The following SPIDR variants were observed in gnomAD, a reference collection of about 807,000 sequenced individuals.
SPIDR encodes the protein scaffold protein involved in DNA repair.
In SPIDR, 93 loss-of-function variants were observed where a neutral mutation model predicts 104.6. The ratio of observed to expected loss-of-function variants is 0.89; its 90% CI spans 0.75 to 1.06. SPIDR has a LOEUF of 1.06. SPIDR is among the 50% of genes least tolerant of loss of function. The pLI is 0.00. For missense variants in SPIDR, 1,154 were observed against 1,111.2 expected (o/e 1.04, Z -0.55); for synonymous variants, 431 against 416.9 (o/e 1.03, Z -0.41).
chr8:47,516,068 C>T (rs990539509), intron 8 of SPIDR, among the ~76,000 whole-genome samples: 2 of 152,228 alleles, frequency 1.3e-5, no homozygotes, highest in Admixed American at 6.5e-5. Flanking sequence ...CTCGGCCTCC[C>T]GAAGTGCTGG....
chr8:47,500,862 G>A lies in SPIDR; in HGVS notation c.1097+60320G>A, dbSNP rs1488852183. On this transcript the variant is annotated intron_variant, in intron 8 of 19. Transcript: ENST00000297423. ...ATCCAGTTTCAGCTTTCTACATATG[G>A]CTAGCCAGTTTTCCCAGCACCATTT... 2.6e-5 allele frequency among the ~76,000 whole-genome samples: 4 copies of A among 152,120 alleles called. No individual in the cohort carries two copies. The South Asian group carries it at 6.2e-4, about 24-fold the overall frequency.
chr8:47,598,838 G>C (rs1175569613), intron 9 of SPIDR, 108 bp from the exon 10 acceptor site: 2 of 1,392,632 alleles, frequency 1.4e-6, no homozygotes, highest in African/African-American at 2.8e-5. Context: ...AGATCCATTG[G>C]GTGGCTGCTT....
intron 5 of SPIDR, among the ~76,000 whole-genome samples, chr8:47,372,373 T>C (rs1253838948): frequency 6.6e-6 from 1 of 152,116 alleles, no homozygotes; most frequent in Non-Finnish European, 1.5e-5. Context: ...TCCTTAAGAA[T>C]TTTAACTTTG....
intron 5 of SPIDR, among the ~76,000 whole-genome samples, chr8:47,308,503 A>G (rs2043519823): frequency 6.6e-6 from 1 of 151,844 alleles, no homozygotes; most frequent in South Asian, 2.1e-4. Context: ...TTTCTCCAGG[A>G]ATGTGCAGGA....
intron 5 of SPIDR, among the ~76,000 whole-genome samples, chr8:47,344,099 C>T (rs1189963375): frequency 3.3e-5 from 5 of 151,574 alleles, no homozygotes; most frequent in Admixed American, 1.3e-4. Flanking sequence ...GGTATTTCTC[C>T]GAATGCTATC....
chr8:47,313,801 T>C (rs1163964954), intron 5 of SPIDR, among the ~76,000 whole-genome samples: 1 of 152,114 alleles, frequency 6.6e-6, no homozygotes, highest in East Asian at 1.9e-4. Context: ...TGACTTCTTA[T>C]CAGAAATAAT....
Position 47,673,900 on chromosome 8 carries a change from C to G in SPIDR, c.1644C>G (p.Ser548Arg). ...GACAGTTGGAAGGGAAGTCTTGCAGCCTGGTGGGAATGAAGGTTCTACAGA... is the reference window on the plus strand; with the variant it reads ...GACAGTTGGAAGGGAAGTCTTGCAGGCTGGTGGGAATGAAGGTTCTACAGA... ...KARQLEGKSCSLVGMKVLQKV... is the reference protein window; with the variant it reads ...KARQLEGKSCRLVGMKVLQKV... The change falls in exon 11 of 20, where the codon AGC becomes AGG. Residue 548 changes from serine (S) to arginine (R), a missense_variant. Physicochemically the swap from Ser to Arg is moderately radical, Grantham distance 110. Transcript: ENST00000297423. The G allele has an allele frequency of 6.2e-7, 1 of 1,614,080 alleles. No individual in the cohort carries two copies. The highest frequency in any genetic ancestry group is 8.5e-7 in the Non-Finnish European group (1 of 1,180,002).
intron 10 of SPIDR, among the ~76,000 whole-genome samples, chr8:47,662,659 G>A (rs1229680275): frequency 6.6e-6 from 1 of 152,116 alleles, no homozygotes; most frequent in Non-Finnish European, 1.5e-5. Context: ...TCATAAATAT[G>A]TTTAATTTTA....
intron 16 of SPIDR, among the ~76,000 whole-genome samples, chr8:47,717,805 T>G (rs1405730367): frequency 6.6e-6 from 1 of 152,206 alleles, no homozygotes; most frequent in African/African-American, 2.4e-5. Context: ...GTCACAAAGC[T>G]CTGTTCCTGG....
chr8:47,531,443 T>G (rs1336933862), intron 8 of SPIDR, among the ~76,000 whole-genome samples: 1 of 152,080 alleles, frequency 6.6e-6, no homozygotes, highest in African/African-American at 2.4e-5. Context: ...TAGAAATATA[T>G]CCATGGTAGA....
At chr8:47,546,652 C>T (rs954015024) in intron 8 of SPIDR, among the ~76,000 whole-genome samples, 2 of 151,978 alleles carry the variant, frequency 1.3e-5, no homozygotes, top group African/African-American at 2.4e-5. Context: ...GTTTATTTTG[C>T]TCTTGTTTTC....
intron 8 of SPIDR, among the ~76,000 whole-genome samples, chr8:47,495,739 T>C (rs1037624671): frequency 1.3e-5 from 2 of 152,186 alleles, no homozygotes; most frequent in African/African-American, 4.8e-5. Flanking sequence ...GGGTTCAAAA[T>C]CATTCTTTTG....
chr8:47,690,547 G>A (rs1378981402), intron 11 of SPIDR, among the ~76,000 whole-genome samples: 3 of 151,808 alleles, frequency 2.0e-5, no homozygotes, highest in African/African-American at 4.8e-5. Flanking sequence ...GGCTGGGCAC[G>A]GTGGCTCACG....
intron 10 of SPIDR, chr8:47,660,447 C>T: frequency 1.0e-6 from 1 of 985,416 alleles, no homozygotes; most frequent in Non-Finnish European, 1.2e-6. Context: ...TGGTCCAGGC[C>T]TCACCCTCAT....
chr8:47,587,657 G>C (rs2154416735), intron 8 of SPIDR, among the ~76,000 whole-genome samples: 1 of 150,554 alleles, frequency 6.6e-6, no homozygotes, highest in Admixed American at 6.6e-5. Context: ...GCATGGTGGT[G>C]CACAGTGTAT....
chr8:47,347,346 T>C (rs563365571), intron 5 of SPIDR, among the ~76,000 whole-genome samples: 15 of 152,344 alleles, frequency 9.8e-5, no homozygotes, highest in African/African-American at 2.9e-4. Flanking sequence ...TTACATTTGC[T>C]GCGGAGTGCT....
chr8:47,617,247 C>A (rs1211349425), intron 10 of SPIDR, among the ~76,000 whole-genome samples: 1 of 152,038 alleles, frequency 6.6e-6, no homozygotes, highest in Non-Finnish European at 1.5e-5. Context: ...TTTTAAACTC[C>A]CATTTTATAA....
chr8:47,565,025 T>A (rs1449732910), intron 8 of SPIDR, among the ~76,000 whole-genome samples: 3 of 152,122 alleles, frequency 2.0e-5, no homozygotes, highest in Middle Eastern at 3.2e-3. Flanking sequence ...GGCGGGCAGA[T>A]CACCTGAGGT....
rs576161025 is a variant in SPIDR, at chr8:47,510,447, A to G, written c.1097+69905A>G. On this transcript the variant is annotated intron_variant, in intron 8 of 19. Coordinates refer to ENST00000297423, the MANE Select transcript of SPIDR (RefSeq NM_001080394.4). ...TTATTCCAAGGAAATTGTTTAGCAT[A>G]AAAAAATTATGTGCATAAAGCATTT... Among the ~76,000 whole-genome samples the G allele has an allele frequency of 5.3e-5, 8 of 152,344 alleles. No homozygotes were observed. In the South Asian group the frequency reaches 1.2e-3, roughly 24 times the overall value.
Sources: allele counts gnomAD v4.1 joint callset (sites outside exome capture counted in the v4.1 genomes callset), GRCh38; gene constraint gnomAD v4.1.1; transcripts MANE v1.5; gene names NCBI Gene and HGNC (gene_info 2026-07-23, HGNC 2026-07-21).